LOC122539214: variants seen among roughly 807,000 people sequenced by gnomAD.
chr19:52,668,053 T>C, the LOC122539214 span, among the ~76,000 whole-genome samples: 2 of 152,348 alleles, frequency 1.3e-5, no homozygotes, highest in South Asian at 4.1e-4. Flanking sequence ...AAACAAATGA[T>C]AAATTTCTTA....
At chr19:52,682,639 G>A in the LOC122539214 span, among the ~76,000 whole-genome samples, 1 of 151,874 alleles carries the variant, frequency 6.6e-6, no homozygotes, top group African/African-American at 2.4e-5. Context: ...CTGCTCTCCA[G>A]CCTAGGCAAC....
At chr19:52,682,488 T>C in the LOC122539214 span, among the ~76,000 whole-genome samples, 6 of 152,054 alleles carry the variant, frequency 3.9e-5, no homozygotes, top group Middle Eastern at 3.4e-3. Context: ...CTGGCCAACA[T>C]GGTGAAACTC....
chr19:52,668,838 G>C, the LOC122539214 span, among the ~76,000 whole-genome samples: 1 of 152,162 alleles, frequency 6.6e-6, no homozygotes, highest in Non-Finnish European at 1.5e-5. Flanking sequence ...CTGGATGCTA[G>C]CTCTTTTCCA....
At chr19:52,663,736 G>C in the LOC122539214 span, among the ~76,000 whole-genome samples, 5 of 152,214 alleles carry the variant, frequency 3.3e-5, no homozygotes, top group Non-Finnish European at 1.5e-5. Context: ...ATAAATTTCA[G>C]AGAAAAACAA....
chr19:52,664,745 G>T, the LOC122539214 span, among the ~76,000 whole-genome samples: 1 of 141,468 alleles, frequency 7.1e-6, no homozygotes, highest in East Asian at 2.1e-4. Context: ...AGGACAAGGG[G>T]CCTGGTGTGG....
chr19:52,650,468 G>C, the LOC122539214 span: 1 of 152,104 alleles, frequency 6.6e-6, no homozygotes, highest in Admixed American at 6.6e-5. Flanking sequence ...TGTGGGTCAG[G>C]CTGGTCTCGA....
chr19:52,676,650 G>C, the LOC122539214 span, among the ~76,000 whole-genome samples: 51 of 145,760 alleles, frequency 3.5e-4, 1 homozygote, highest in African/African-American at 1.3e-3. Flanking sequence ...TTGAGAACGG[G>C]CCAGGATGAC....
the LOC122539214 span, among the ~76,000 whole-genome samples, chr19:52,658,308 G>A: frequency 6.6e-6 from 1 of 152,124 alleles, no homozygotes; most frequent in African/African-American, 2.4e-5. Flanking sequence ...ACTCACGCCT[G>A]TAATTCCAGC....
the LOC122539214 span, among the ~76,000 whole-genome samples, chr19:52,661,347 G>A: frequency 6.6e-6 from 1 of 152,116 alleles, no homozygotes; most frequent in Non-Finnish European, 1.5e-5. Flanking sequence ...GCTCCCTCCT[G>A]AAAATGTCCA....
chr19:52,684,196 G>A, the LOC122539214 span, among the ~76,000 whole-genome samples: 1 of 151,832 alleles, frequency 6.6e-6, no homozygotes, highest in African/African-American at 2.4e-5. Flanking sequence ...TCGTGAAACT[G>A]CATCTCTACT....
chr19:52,670,832 A>C, the LOC122539214 span, among the ~76,000 whole-genome samples: 25 of 152,294 alleles, frequency 1.6e-4, no homozygotes, highest in African/African-American at 4.8e-4. Context: ...AAATTTAAAC[A>C]TTTTCTGATT....
At chr19:52,665,424 A>T in the LOC122539214 span, among the ~76,000 whole-genome samples, 4 of 149,046 alleles carry the variant, frequency 2.7e-5, no homozygotes, top group Admixed American at 6.7e-5. Flanking sequence ...AAAAGTGATT[A>T]AAAAAAAAAG....
the LOC122539214 span, among the ~76,000 whole-genome samples, chr19:52,689,069 G>T: frequency 6.6e-6 from 1 of 150,758 alleles, no homozygotes; most frequent in African/African-American, 2.4e-5. Flanking sequence ...TTTTTCCTTT[G>T]ATGCAGCTAC....
chr19:52,685,467 C>T, the LOC122539214 span, among the ~76,000 whole-genome samples: 1 of 152,074 alleles, frequency 6.6e-6, no homozygotes. Flanking sequence ...TGATTCCTGA[C>T]ATTTAATTCT....
At chr19:52,675,748 G>A in the LOC122539214 span, among the ~76,000 whole-genome samples, 3 of 152,220 alleles carry the variant, frequency 2.0e-5, no homozygotes, top group East Asian at 1.9e-4. Context: ...ATGTAGGAGT[G>A]AATTTTGTGC....
At chr19:52,666,189 G>A in the LOC122539214 span, among the ~76,000 whole-genome samples, 1 of 150,352 alleles carries the variant, frequency 6.7e-6, no homozygotes, top group African/African-American at 2.4e-5. Flanking sequence ...GAAAGAGACA[G>A]AGAGTCAAAG....
the LOC122539214 span, among the ~76,000 whole-genome samples, chr19:52,659,782 T>G: frequency 6.6e-6 from 1 of 152,124 alleles, no homozygotes; most frequent in African/African-American, 2.4e-5. Context: ...GTAAGAGACC[T>G]ATAACAAACA....
the LOC122539214 span, among the ~76,000 whole-genome samples, chr19:52,676,585 G>A: frequency 6.6e-6 from 1 of 151,676 alleles, no homozygotes; most frequent in Admixed American, 6.6e-5. Context: ...ACTGGGAAGT[G>A]AGGAGCCCCT....
the LOC122539214 span, among the ~76,000 whole-genome samples, chr19:52,656,504 A>G: frequency 6.6e-6 from 1 of 151,934 alleles, no homozygotes; most frequent in Non-Finnish European, 1.5e-5. Context: ...CAGCCAGGGC[A>G]ACAGAGCAAG....
Sources: gnomAD v4.1 joint callset for allele counts (sites outside exome capture counted in the v4.1 genomes callset) on GRCh38, gnomAD v4.1.1 for gene constraint, MANE v1.5 for transcripts.